Variants in PCDHGA4 observed in about 807,000 individuals in gnomAD.
PCDHGA4 encodes the protein protocadherin gamma-A4.
PCDHGA4 carries 38 observed loss-of-function variants against 54.6 expected under a neutral mutation model. The ratio of observed to expected loss-of-function variants is 0.70; its 90% CI spans 0.54 to 0.91. The LOEUF is 0.91. Ranked by LOEUF, PCDHGA4 falls within the 40% of genes least tolerant of loss-of-function variation. PCDHGA4 has a pLI of 0.00. For missense variants in PCDHGA4, 1,298 were observed against 1,220.9 expected (o/e 1.06, Z -0.94); for synonymous variants, 511 against 512.9 (o/e 1.00, Z 0.05).
intron 1 of PCDHGA4, among the ~76,000 whole-genome samples, chr5:141,479,077 A>G (rs1393042749): frequency 6.6e-6 from 1 of 152,224 alleles, no homozygotes; most frequent in Non-Finnish European, 1.5e-5. Context: ...ATGAAATGAA[A>G]TTCCAGGCAT....
intron 1 of PCDHGA4, chr5:141,384,987 G>C (rs775895766): frequency 6.2e-7 from 1 of 1,614,114 alleles, no homozygotes; most frequent in African/African-American, 1.3e-5. Context: ...TGGTGGTGGC[G>C]GTGGCCACAG....
chr5:141,389,612 G>A, intron 1 of PCDHGA4: 1 of 1,613,040 alleles, frequency 6.2e-7, no homozygotes, highest in Non-Finnish European at 8.5e-7. Flanking sequence ...TCGATATGGT[G>A]CCGCACGCTG....
At chr5:141,431,000 A>G (rs1272572092) in intron 1 of PCDHGA4, 4 of 1,613,898 alleles carry the variant, frequency 2.5e-6, no homozygotes, top group African/African-American at 1.3e-5. Flanking sequence ...GAATCCGCGC[A>G]GCGGCAGCTT....
chr5:141,464,622 CT>C (rs947370342), intron 1 of PCDHGA4, among the ~76,000 whole-genome samples: 8 of 152,058 alleles, frequency 5.3e-5, no homozygotes, highest in African/African-American at 1.9e-4. Flanking sequence ...TATTGTCAAG[CT>C]TTTTAATTGT....
chr5:141,371,597 A>T (rs982667859), intron 1 of PCDHGA4: 1 of 1,613,908 alleles, frequency 6.2e-7, no homozygotes, highest in African/African-American at 1.3e-5. Context: ...CCAAAAACAC[A>T]TACAGGTTGG....
chr5:141,460,289 T>C, intron 1 of PCDHGA4, among the ~76,000 whole-genome samples: 1 of 152,148 alleles, frequency 6.6e-6, no homozygotes, highest in East Asian at 1.9e-4. Context: ...TTTGTATTTC[T>C]TATGTCCTAT....
chr5:141,491,254 G>A lies in PCDHGA4; in HGVS notation c.2515-3553G>A, dbSNP rs746242389. ...GCTGGTTCTGGAGGATGAGGACCCT[G>A]AGGAAATGCCCAAATCCAGTGACTT... is the stretch of plus-strand genomic sequence containing the variant. On this transcript the variant is annotated intron_variant, in intron 1 of 3. Coordinates refer to ENST00000571252, the MANE Select transcript of PCDHGA4 (RefSeq NM_018917.4). This position sits in a 1 kb window ranked among gnomAD's most constrained non-coding sequence, Gnocchi z 6.9. 24 of 1,614,198 alleles carry A rather than the reference G, an allele frequency of 1.5e-5. No individual in the cohort carries two copies. The highest frequency in any genetic ancestry group is 2.0e-5 in the Non-Finnish European group (24 of 1,180,018).
chr5:141,408,061 G>C, intron 1 of PCDHGA4: 1 of 1,332,898 alleles, frequency 7.5e-7, no homozygotes, highest in Non-Finnish European at 1.0e-6. Flanking sequence ...CCTCCCGGCT[G>C]CGCAGACCTT....
chr5:141,428,267 T>C, intron 1 of PCDHGA4: 1 of 796,264 alleles, frequency 1.3e-6, no homozygotes, highest in Non-Finnish European at 2.1e-6. Context: ...GACAGTCCTG[T>C]GCCCTCTGAT....
chr5:141,409,868 A>C (rs2095328786), intron 1 of PCDHGA4: 2 of 1,612,688 alleles, frequency 1.2e-6, no homozygotes, highest in Admixed American at 1.7e-5. Flanking sequence ...GGGAGACCGC[A>C]ATGACAACGC....
At chr5:141,400,192 G>A (rs1411721247) in intron 1 of PCDHGA4, 1 of 1,614,088 alleles carries the variant, frequency 6.2e-7, no homozygotes, top group South Asian at 1.1e-5. Context: ...GTTTTACCTA[G>A]TGGTGGCCTT....
chr5:141,428,082 G>A lies in PCDHGA4; in HGVS notation c.2515-66725G>A, dbSNP rs776612130. 2.5e-6 allele frequency: 4 copies of A among 1,609,030 alleles called. No individual in the cohort carries two copies. In the African/African-American group the frequency reaches 5.3e-5, roughly 21 times the overall value. On this transcript the variant is annotated intron_variant, in intron 1 of 3. Transcript: ENST00000571252. ...GGTGGACGCAGATTCGGGACACAACGCTTGGCTGTCCTACCACGTGCTGCA... is the reference window on the plus strand; with the variant it reads ...GGTGGACGCAGATTCGGGACACAACACTTGGCTGTCCTACCACGTGCTGCA...
rs760747309 is a variant in PCDHGA4, at chr5:141,477,613, A to G, written c.2515-17194A>G. 1.2e-6 allele frequency: 2 copies of G among 1,614,210 alleles called. No individual in the cohort carries two copies. Among genetic ancestry groups the G allele is most frequent in the Non-Finnish European group, 8.5e-7 (1 of 1,180,044 alleles). ...GGCTTTCTTTCTTTCTCTTGGAGCA[A>G]GGAGCTGAAACCGGGCTAGTGGGTC... On this transcript the variant is annotated intron_variant, in intron 1 of 3. Coordinates refer to ENST00000571252, the MANE Select transcript of PCDHGA4 (RefSeq NM_018917.4). This position sits in a 1 kb window ranked among gnomAD's most constrained non-coding sequence, Gnocchi z 4.9.
chr5:141,367,760 C>T (rs1765322147), intron 1 of PCDHGA4: 1 of 152,102 alleles, frequency 6.6e-6, no homozygotes, highest in Non-Finnish European at 1.5e-5. Flanking sequence ...TACTGCTGCA[C>T]TCAATAAATG....
At chr5:141,507,815 C>G (rs936926937) in intron 3 of PCDHGA4, among the ~76,000 whole-genome samples, 2 of 152,204 alleles carry the variant, frequency 1.3e-5, no homozygotes, top group African/African-American at 4.8e-5. Context: ...GGAACGGACC[C>G]TGGGGGTGGA....
Position 141,431,709 on chromosome 5 carries a change from T to G in PCDHGA4, c.2515-63098T>G, listed in dbSNP as rs1561854893. ...CACGAGGAGTCAGGATTCTACCAGA[T>G]GGAAGTGCAAGCAATGGATAATGCA... On this transcript the variant is annotated intron_variant, in intron 1 of 3. Coordinates refer to ENST00000571252, the MANE Select transcript of PCDHGA4 (RefSeq NM_018917.4). The surrounding 1 kb of genome is among the most constrained non-coding windows in gnomAD (Gnocchi z 4.8). The G allele has an allele frequency of 6.2e-7, 1 of 1,614,168 alleles. No individual in the cohort carries two copies. Among genetic ancestry groups the G allele is most frequent in the Middle Eastern group, 1.6e-4 (1 of 6,062 alleles).
intron 1 of PCDHGA4, chr5:141,365,186 GA>G: frequency 1.2e-6 from 2 of 1,613,880 alleles, no homozygotes; most frequent in Non-Finnish European, 1.7e-6. Flanking sequence ...CAATGAAGAA[GA>G]AAAAATTTCG....
At chr5:141,362,128 G>T (rs1359609195) in intron 1 of PCDHGA4, 2 of 1,613,900 alleles carry the variant, frequency 1.2e-6, no homozygotes, top group Admixed American at 3.3e-5. Flanking sequence ...CCTAATCTTC[G>T]CGGATAGCCT....
chr5:141,361,794 C>T (rs1326854162), intron 1 of PCDHGA4: 1 of 1,613,214 alleles, frequency 6.2e-7, no homozygotes, highest in Non-Finnish European at 8.5e-7. Flanking sequence ...TGTTAGTGGG[C>T]GACCTCAATG....
Sources: gnomAD v4.1 joint callset for allele counts (sites outside exome capture counted in the v4.1 genomes callset) on GRCh38, gnomAD v4.1.1 for gene constraint, Gnocchi (gnomAD v3.1) non-coding constraint, MANE v1.5 for transcripts, NCBI Gene and HGNC (gene_info 2026-07-23, HGNC 2026-07-21) for gene names.